Variants in GLT1D1 observed in about 807,000 individuals in gnomAD.
GLT1D1 encodes glycosyltransferase 1 domain-containing protein 1.
GLT1D1 carries 21 observed loss-of-function variants against 28.7 expected under a neutral mutation model. That is an observed-to-expected ratio of 0.73 (90% CI 0.52 to 1.05). The LOEUF (loss-of-function observed/expected upper bound fraction) is 1.05, where lower values mean the gene tolerates loss of function less well. Among genes scored for constraint, GLT1D1 ranks in the 50% least tolerant of loss-of-function variants. GLT1D1 has a pLI of 0.00. For synonymous variants in GLT1D1, 147 were observed against 124.8 expected (o/e 1.18, Z -1.19); for missense variants, 343 against 330.6 (o/e 1.04, Z -0.29).
intron 1 of GLT1D1, among the ~76,000 whole-genome samples, chr12:128,869,291 C>T (rs926469317): frequency 3.9e-5 from 6 of 152,122 alleles, no homozygotes; most frequent in South Asian, 2.1e-4. Flanking sequence ...CTCAGCTTCC[C>T]GAGTAGCTGG....
chr12:128,941,208 C>G (rs776934559), intron 4 of GLT1D1, among the ~76,000 whole-genome samples: 2 of 152,158 alleles, frequency 1.3e-5, no homozygotes, highest in African/African-American at 2.4e-5. Context: ...TGGCACATCA[C>G]GTCTACTCAT....
intron 4 of GLT1D1, among the ~76,000 whole-genome samples, chr12:128,933,639 C>T (rs1056957777): frequency 6.6e-6 from 1 of 152,158 alleles, no homozygotes; most frequent in African/African-American, 2.4e-5. Context: ...GCACTTACTG[C>T]TTCCTTGGGG....
intron 7 of GLT1D1, among the ~76,000 whole-genome samples, chr12:128,966,388 G>T (rs192433651): frequency 2.6e-5 from 4 of 152,188 alleles, no homozygotes; most frequent in Admixed American, 2.0e-4. Context: ...CTGCGGCCAC[G>T]TGGGCATCTC....
chr12:128,888,909 C>T (rs1050975483), intron 3 of GLT1D1, among the ~76,000 whole-genome samples, 165 bp downstream of exon 3: 6 of 152,154 alleles, frequency 3.9e-5, no homozygotes, highest in Non-Finnish European at 7.4e-5. Flanking sequence ...TTTATTTGGC[C>T]ACAAATAGTC....
intron 1 of GLT1D1, among the ~76,000 whole-genome samples, chr12:128,860,605 A>G (rs1253883199): frequency 6.6e-6 from 1 of 152,062 alleles, no homozygotes; most frequent in African/African-American, 2.4e-5. Context: ...CCCTGCCATA[A>G]CCCTCTGTCA....
chr12:128,866,954 T>C (rs1956545174), intron 1 of GLT1D1, among the ~76,000 whole-genome samples: 1 of 151,824 alleles, frequency 6.6e-6, no homozygotes, highest in Non-Finnish European at 1.5e-5. Context: ...GGAACTCCCC[T>C]GCCCACCCTT....
chr12:128,908,356 C>CT, intron 4 of GLT1D1, among the ~76,000 whole-genome samples: 1 of 43,762 alleles, frequency 2.3e-5, no homozygotes, highest in South Asian at 2.7e-3. Context: ...CCCTTTCTTT[C>CT]TTTCTTTTCT....
intron 4 of GLT1D1, among the ~76,000 whole-genome samples, chr12:128,905,947 C>T (rs996893718): frequency 1.2e-4 from 18 of 151,960 alleles, no homozygotes; most frequent in African/African-American, 4.4e-4. Flanking sequence ...TCCTCTCCCC[C>T]TCAGCCTCCT....
chr12:128,853,532 C>T lies in GLT1D1; in HGVS notation c.-50C>T, dbSNP rs2135743030. The T allele has an allele frequency of 9.7e-7, 1 of 1,028,834 alleles. No individual in the cohort carries two copies. The highest frequency in any genetic ancestry group is 5.8e-5 in the Admixed American group (1 of 17,196). The allele number at this position is 1,028,834 out of a possible 1,614,324, so 63.7% of individuals were successfully genotyped here. A position where few individuals can be genotyped will look rare whatever the true frequency, so the allele number is the denominator to read the frequency against. On this transcript the variant is annotated 5_prime_UTR_variant, in exon 1 of 8. Coordinates refer to ENST00000281703, the MANE Select transcript of GLT1D1 (RefSeq NM_144669.3). ...GTCCGCGTCTGCGCCGGCCCCGGGG[C>T]CTGGTCGGCGGCGGCGGGGCCGGTC...
rs374298142 is a variant in GLT1D1, at chr12:128,936,279, C to T, written c.376-9047C>T. 5.4e-3 allele frequency among the ~76,000 whole-genome samples: 821 copies of T among 151,924 alleles called. 10 individuals are homozygous for T. Among genetic ancestry groups the T allele is most frequent in the African/African-American group, 0.019 (789 of 41,422 alleles). Reference sequence around the variant, plus strand: ...ACGCCATTCTCCTGCCTCAGCCTCCCGAGTAGCTGGGACTACAGGCACCCG... The same window carrying T: ...ACGCCATTCTCCTGCCTCAGCCTCCTGAGTAGCTGGGACTACAGGCACCCG... On this transcript the variant is annotated intron_variant, in intron 4 of 7. Transcript: ENST00000281703.
Position 128,853,543 on chromosome 12 carries a change from G to A in GLT1D1, c.-39G>A. 9.6e-7 allele frequency: 1 copy of A among 1,039,290 alleles called. No individual in the cohort carries two copies. The highest frequency in any genetic ancestry group is 1.2e-6 in the Non-Finnish European group (1 of 869,494). 64.4% of individuals were successfully genotyped at this position (1,039,290 alleles called of 1,614,324 possible). ...CGCCGGCCCCGGGGCCTGGTCGGCGGCGGCGGGGCCGGTCGATGGCCCGGG... is the reference window on the plus strand; with the variant it reads ...CGCCGGCCCCGGGGCCTGGTCGGCGACGGCGGGGCCGGTCGATGGCCCGGG... On this transcript the variant is annotated 5_prime_UTR_variant, in exon 1 of 8. Transcript: ENST00000281703.
At chr12:128,932,320 C>T (rs1301513954) in intron 4 of GLT1D1, among the ~76,000 whole-genome samples, 1 of 152,156 alleles carries the variant, frequency 6.6e-6, no homozygotes, top group Non-Finnish European at 1.5e-5. Flanking sequence ...GGATCGCCGT[C>T]CCTGAAACCC....
intron 4 of GLT1D1, among the ~76,000 whole-genome samples, chr12:128,936,048 C>G (rs953559475): frequency 5.3e-5 from 8 of 152,186 alleles, no homozygotes; most frequent in African/African-American, 1.9e-4. Context: ...TGAGCTAATA[C>G]TACCTGCCTC....
intron 7 of GLT1D1, among the ~76,000 whole-genome samples, chr12:128,974,541 G>A (rs1184574716): frequency 1.3e-5 from 2 of 152,212 alleles, no homozygotes; most frequent in Non-Finnish European, 2.9e-5. Flanking sequence ...CGCCAGAAGG[G>A]AAAGAGGAGT....
intron 3 of GLT1D1, among the ~76,000 whole-genome samples, chr12:128,889,947 G>A (rs1206435261): frequency 2.6e-5 from 4 of 152,156 alleles, no homozygotes; most frequent in South Asian, 2.1e-4. Flanking sequence ...GCTAATTTTT[G>A]TATTTTTAGT....
At chr12:128,928,148 TTGTC>T (rs1411040839) in intron 4 of GLT1D1, among the ~76,000 whole-genome samples, 1 of 152,148 alleles carries the variant, frequency 6.6e-6, no homozygotes, top group Admixed American at 6.5e-5. Context: ...GTGATCCAAA[TTGTC>T]TTTGAAATTT....
At chr12:128,944,903 T>C (rs573730065) in intron 4 of GLT1D1, 29 of 448,606 alleles carry the variant, frequency 6.5e-5, no homozygotes, top group Admixed American at 5.7e-4. Flanking sequence ...ACCCATCAAC[T>C]CGTCATTTAC....
intron 4 of GLT1D1, among the ~76,000 whole-genome samples, chr12:128,925,517 G>T (rs574481183): frequency 3.3e-5 from 5 of 152,152 alleles, no homozygotes; most frequent in African/African-American, 1.2e-4. Context: ...ACATGATCTC[G>T]TTCCTTTTTA....
intron 1 of GLT1D1, among the ~76,000 whole-genome samples, chr12:128,856,525 A>G (rs2135750361): frequency 6.6e-6 from 1 of 152,294 alleles, no homozygotes; most frequent in Non-Finnish European, 1.5e-5. Context: ...CGGAGATGAC[A>G]TTGAAGCTAA....
Sources: allele counts gnomAD v4.1 joint callset (sites outside exome capture counted in the v4.1 genomes callset), GRCh38; gene constraint gnomAD v4.1.1; transcripts MANE v1.5; gene names NCBI Gene and HGNC (gene_info 2026-07-23, HGNC 2026-07-21).